The following ENKUR variants were observed in gnomAD, a reference collection of about 807,000 sequenced individuals.
ENKUR encodes enkurin, TRPC channel interacting protein, also known as enkurin.
A neutral mutation model predicts 27.6 loss-of-function variants in ENKUR; 19 were observed. The observed-to-expected ratio is 0.69, with a 90% CI of 0.48 to 1.01. The LOEUF (loss-of-function observed/expected upper bound fraction) is 1.01, where lower values mean the gene tolerates loss of function less well. Among genes scored for constraint, ENKUR ranks in the 50% least tolerant of loss-of-function variants. The pLI, the probability that ENKUR is intolerant of heterozygous loss-of-function variation, is 0.00. For missense variants in ENKUR, 312 were observed against 310.5 expected, an observed-to-expected ratio of 1.00 and a Z score of -0.04; for synonymous variants, 117 against 96.9, an observed-to-expected ratio of 1.21 and a Z score of -1.22.
intron 2 of ENKUR, among the ~76,000 whole-genome samples, chr10:25,042,293 CAA>C (rs35360125): frequency 2.3e-4 from 32 of 138,112 alleles, no homozygotes; most frequent in Non-Finnish European, 2.5e-4. Flanking sequence ...GTCAGAGTCT[CAA>C]AAAAAAAAAA....
intron 2 of ENKUR, chr10:25,024,883 A>G (rs1850814184): frequency 6.2e-7 from 1 of 1,614,052 alleles, no homozygotes; most frequent in Non-Finnish European, 8.5e-7. Flanking sequence ...TCTAAGGGAA[A>G]GAAAACTAGC....
intron 2 of ENKUR, among the ~76,000 whole-genome samples, chr10:25,030,524 T>A (rs918745846): frequency 2.0e-5 from 3 of 152,142 alleles, no homozygotes; most frequent in Admixed American, 2.0e-4. Flanking sequence ...TAAAATGTAA[T>A]CTGTTTTTTT....
chr10:24,990,760 T>TC, intron 3 of ENKUR, 151 bp from the exon 4 acceptor site: 2 of 767,246 alleles, frequency 2.6e-6, no homozygotes, highest in East Asian at 2.9e-5. Context: ...GTGACTTTTT[T>TC]CCCTCCATTG....
At chr10:25,019,408 A>G (rs950227906), upstream of ENKUR, among the ~76,000 whole-genome samples, 2 of 152,198 alleles carry the variant, frequency 1.3e-5, no homozygotes, top group Non-Finnish European at 2.9e-5. Context: ...TAGGAAGTCA[A>G]GGCTGTAGTG....
At chr10:25,047,214 A>G (rs1473108996) in intron 2 of ENKUR, among the ~76,000 whole-genome samples, 4 of 152,144 alleles carry the variant, frequency 2.6e-5, no homozygotes, top group African/African-American at 9.7e-5. Flanking sequence ...CAATTTTTCC[A>G]TGATGAGGCT....
intron 2 of ENKUR, among the ~76,000 whole-genome samples, chr10:24,997,228 A>G (rs934831112): frequency 2.0e-5 from 3 of 152,152 alleles, no homozygotes; most frequent in African/African-American, 7.2e-5. Context: ...ATCTCCAAAA[A>G]TAAAAACAAA....
intron 2 of ENKUR, among the ~76,000 whole-genome samples, chr10:25,046,070 G>T (rs765103308): frequency 1.3e-5 from 2 of 151,994 alleles, no homozygotes; most frequent in Non-Finnish European, 2.9e-5. Context: ...TTTTGTCAAT[G>T]GTAACAGGAT....
At chr10:24,986,188 T>C (rs1022474308) in intron 4 of ENKUR, among the ~76,000 whole-genome samples, 2 of 152,236 alleles carry the variant, frequency 1.3e-5, no homozygotes, top group African/African-American at 4.8e-5. Flanking sequence ...TATATAATTA[T>C]GCTGTCATAG....
chr10:25,001,388 G>T (rs1210008247), intron 1 of ENKUR, among the ~76,000 whole-genome samples: 1 of 151,426 alleles, frequency 6.6e-6, no homozygotes, highest in Admixed American at 6.6e-5. Context: ...TCTACTTGGG[G>T]TTAACTGTGA....
chr10:24,995,020 C>G (rs945881017), intron 3 of ENKUR, among the ~76,000 whole-genome samples: 1 of 151,656 alleles, frequency 6.6e-6, no homozygotes. Context: ...GAATATGTCT[C>G]AAAAAAAATC....
At chr10:25,033,915 ATC>A (rs1412019130) in intron 2 of ENKUR, among the ~76,000 whole-genome samples, 1 of 151,940 alleles carries the variant, frequency 6.6e-6, no homozygotes, top group Non-Finnish European at 1.5e-5. Flanking sequence ...ACGTACATCT[ATC>A]TCTCTCTCTA....
chr10:25,044,732 A>T, intron 2 of ENKUR, among the ~76,000 whole-genome samples: 1 of 152,230 alleles, frequency 6.6e-6, no homozygotes, highest in Non-Finnish European at 1.5e-5. Flanking sequence ...CTTTCCTGCA[A>T]TATGCAGATG....
intron 1 of ENKUR, among the ~76,000 whole-genome samples, chr10:25,008,806 C>G (rs376544949): frequency 2.0e-5 from 3 of 152,136 alleles, no homozygotes. Context: ...CACATGCACA[C>G]GTATGTTTAT....
intron 1 of ENKUR, among the ~76,000 whole-genome samples, chr10:25,012,132 C>T (rs61853348): frequency 2.6e-5 from 4 of 152,218 alleles, no homozygotes; most frequent in South Asian, 2.1e-4. Context: ...GTTGGGACTA[C>T]GGGTGCACAG....
intron 1 of ENKUR, among the ~76,000 whole-genome samples, chr10:25,009,587 T>C (rs1293346707): frequency 6.6e-6 from 1 of 152,154 alleles, no homozygotes; most frequent in Non-Finnish European, 1.5e-5. Context: ...GAGAGAGGTG[T>C]CTAGTAGCCT....
At chr10:25,048,713 G>T (rs1043151862) in intron 2 of ENKUR, among the ~76,000 whole-genome samples, 4 of 152,006 alleles carry the variant, frequency 2.6e-5, no homozygotes, top group African/African-American at 9.7e-5. Flanking sequence ...CTTTGCAAAG[G>T]GTGTGCTCAG....
chr10:25,027,356 T>TAAAAAAAAAAA (rs1564352066), intron 2 of ENKUR, among the ~76,000 whole-genome samples: 646 of 45,666 alleles, frequency 0.014, 128 homozygotes, highest in South Asian at 0.049. Context: ...GACTCCCGTC[T>TAAAAAAAAAAA]CAAAAAAAAA....
chr10:25,011,552 C>G (rs923163868), intron 1 of ENKUR, among the ~76,000 whole-genome samples: 31 of 152,120 alleles, frequency 2.0e-4, no homozygotes, highest in African/African-American at 7.5e-4. Context: ...GAAAGTGGAA[C>G]CCTTCCTTAC....
intron 3 of ENKUR, among the ~76,000 whole-genome samples, chr10:24,995,335 A>G (rs926982052): frequency 6.6e-6 from 1 of 152,230 alleles, no homozygotes; most frequent in Non-Finnish European, 1.5e-5. Context: ...GACTGCTTTT[A>G]GTGACATTTC....
Sources: gnomAD v4.1 joint callset for allele counts (sites outside exome capture counted in the v4.1 genomes callset) on GRCh38, gnomAD v4.1.1 for gene constraint, MANE v1.5 for transcripts, NCBI Gene and HGNC (gene_info 2026-07-23, HGNC 2026-07-21) for gene names.